The following GLRA2 variants were observed in gnomAD, a reference collection of about 807,000 sequenced individuals.
GLRA2 encodes the protein glycine receptor alpha 2, also known as glycine receptor subunit alpha-2.
GLRA2 carries 11 observed loss-of-function variants against 31.6 expected under a neutral mutation model. The ratio of observed to expected loss-of-function variants is 0.35; its 90% CI spans 0.22 to 0.58. The LOEUF (loss-of-function observed/expected upper bound fraction) is 0.58, where lower values mean the gene tolerates loss of function less well. Among genes scored for constraint, GLRA2 ranks in the 20% least tolerant of loss-of-function variants. The pLI, the probability that GLRA2 is intolerant of heterozygous loss-of-function variation, is 0.84. For missense variants in GLRA2, 212 were observed against 351.8 expected (o/e 0.60, Z 3.18); for synonymous variants, 132 against 134.0 (o/e 0.99, Z 0.10).
chrX:14,674,512 A>C (rs939392370), intron 7 of GLRA2, among the ~76,000 whole-genome samples: 3 of 111,315 alleles, frequency 2.7e-5, no homozygotes, highest in African/African-American at 9.8e-5. Flanking sequence ...ATGAGTGTTA[A>C]GTTTTATATA....
At chrX:14,457,190 G>C in the GLRA2 span, among the ~76,000 whole-genome samples, 1 of 110,923 alleles carries the variant, frequency 9.0e-6, no homozygotes, top group African/African-American at 3.3e-5. Context: ...TGTCTGTTAA[G>C]ATCATTTTAC....
chrX:14,581,472 C>A, intron 4 of GLRA2, 66 bp downstream of exon 4: 1 of 624,464 alleles, frequency 1.6e-6, no homozygotes, highest in Non-Finnish European at 2.7e-6. Context: ...CTGCCTGATT[C>A]TGCAGGGTAG....
At chrX:14,568,374 G>GA (rs2089833746) in intron 2 of GLRA2, among the ~76,000 whole-genome samples, 1 of 111,586 alleles carries the variant, frequency 9.0e-6, no homozygotes. Context: ...ATTTAATGAG[G>GA]AAAAACCAGT....
At chrX:14,626,057 C>T (rs2090585598) in intron 7 of GLRA2, among the ~76,000 whole-genome samples, 1 of 112,126 alleles carries the variant, frequency 8.9e-6, no homozygotes, top group African/African-American at 3.2e-5. Flanking sequence ...AATTATTGAG[C>T]TCCTTTTAGA....
chrX:14,474,974 C>T, the GLRA2 span, among the ~76,000 whole-genome samples: 1 of 111,917 alleles, frequency 8.9e-6, no homozygotes, highest in Admixed American at 9.5e-5. Context: ...ATATTTGTAG[C>T]CCTTGTTGCA....
At chrX:14,651,979 G>A (rs1205375765) in intron 7 of GLRA2, among the ~76,000 whole-genome samples, 1 of 111,079 alleles carries the variant, frequency 9.0e-6, no homozygotes, top group Non-Finnish European at 1.9e-5. Context: ...AAAGACACCA[G>A]AAAGCTTACT....
chrX:14,525,335 A>G (rs1030383906), upstream of GLRA2, among the ~76,000 whole-genome samples: 8 of 111,257 alleles, frequency 7.2e-5, no homozygotes, highest in African/African-American at 2.3e-4. Context: ...TTTCCATTGC[A>G]TTGCAAATAA....
intron 8 of GLRA2, among the ~76,000 whole-genome samples, chrX:14,702,956 G>C (rs1407073268): frequency 9.0e-6 from 1 of 111,300 alleles, no homozygotes; most frequent in Non-Finnish European, 1.9e-5. Context: ...CACTTGTCTA[G>C]GTGATGTTGC....
At chrX:14,514,968 C>CT in the GLRA2 span, among the ~76,000 whole-genome samples, 12 of 110,729 alleles carry the variant, frequency 1.1e-4, no homozygotes, top group East Asian at 1.1e-3. Context: ...ATGTTTACCA[C>CT]TTTTTTTTGC....
chrX:14,519,396 C>T, the GLRA2 span, among the ~76,000 whole-genome samples: 1 of 111,729 alleles, frequency 9.0e-6, no homozygotes, highest in Non-Finnish European at 1.9e-5. Context: ...AGCTTTTTCA[C>T]ATTTCAACTA....
At chrX:14,472,358 CT>C in the GLRA2 span, among the ~76,000 whole-genome samples, 3 of 110,956 alleles carry the variant, frequency 2.7e-5, no homozygotes, top group Non-Finnish European at 3.8e-5. Flanking sequence ...TATGGCATCT[CT>C]TTTTTTTTCC....
chrX:14,660,816 G>A (rs927094119), intron 7 of GLRA2, among the ~76,000 whole-genome samples: 37 of 112,179 alleles, frequency 3.3e-4, no homozygotes, highest in African/African-American at 1.1e-3. Flanking sequence ...ACTTGACCAT[G>A]AGAAAGACTG....
intron 2 of GLRA2, among the ~76,000 whole-genome samples, chrX:14,543,925 T>G (rs971429955): frequency 8.9e-6 from 1 of 111,865 alleles, no homozygotes; most frequent in Non-Finnish European, 1.9e-5. Context: ...TATGGAATAT[T>G]TTGGAAAATG....
chrX:14,682,701 TC>T (rs2091227639), intron 7 of GLRA2, among the ~76,000 whole-genome samples: 1 of 77,430 alleles, frequency 1.3e-5, no homozygotes, highest in African/African-American at 4.8e-5. Flanking sequence ...CCTTTCCCCC[TC>T]CCCCCACCCC....
intron 8 of GLRA2, among the ~76,000 whole-genome samples, chrX:14,707,988 C>T (rs1033349071): frequency 3.7e-4 from 40 of 109,088 alleles, no homozygotes; most frequent in Non-Finnish European, 3.4e-4. Flanking sequence ...TTCCTTTCTA[C>T]CTTCTTTCCT....
intron 2 of GLRA2, among the ~76,000 whole-genome samples, chrX:14,566,729 C>T (rs934703427): frequency 1.8e-5 from 2 of 111,391 alleles, no homozygotes; most frequent in African/African-American, 6.5e-5. Context: ...TTAAAGAGAC[C>T]ATTCAGACAT....
intron 7 of GLRA2, among the ~76,000 whole-genome samples, chrX:14,688,167 A>G (rs1429825074): frequency 9.0e-6 from 1 of 110,881 alleles, no homozygotes; most frequent in African/African-American, 3.3e-5. Flanking sequence ...TGGAAGCTTC[A>G]TTTCAGAGGG....
the GLRA2 span, among the ~76,000 whole-genome samples, chrX:14,519,625 A>G: frequency 8.9e-6 from 1 of 112,084 alleles, no homozygotes; most frequent in Non-Finnish European, 1.9e-5. Flanking sequence ...GATTAATTTT[A>G]TAAACCTGCA....
At chrX:14,654,162 C>G (rs1003990719) in intron 7 of GLRA2, among the ~76,000 whole-genome samples, 12 of 110,944 alleles carry the variant, frequency 1.1e-4, no homozygotes, top group African/African-American at 3.9e-4. Flanking sequence ...ACTGAAATTA[C>G]CACTGTCACC....
Sources: gnomAD v4.1 joint callset for allele counts (sites outside exome capture counted in the v4.1 genomes callset) on GRCh38, gnomAD v4.1.1 for gene constraint, MANE v1.5 for transcripts, NCBI Gene and HGNC (gene_info 2026-07-23, HGNC 2026-07-21) for gene names.